CENPP: variants seen among roughly 807,000 people sequenced by gnomAD.
CENPP encodes the protein centromere protein P.
A neutral mutation model predicts 35.6 loss-of-function variants in CENPP; 24 were observed. The ratio of observed to expected loss-of-function variants is 0.67; its 90% confidence interval spans 0.49 to 0.95. CENPP has a LOEUF of 0.95. Ranked by LOEUF, CENPP falls within the 40% of genes least tolerant of loss-of-function variation. The pLI, the probability that CENPP is intolerant of heterozygous loss-of-function variation, is 0.00. For missense variants in CENPP, 332 were observed against 345.3 expected (o/e 0.96, Z 0.31); for synonymous variants, 120 against 125.5 (o/e 0.96, Z 0.29).
intron 2 of CENPP, among the ~76,000 whole-genome samples, chr9:92,337,185 G>A (rs995234740): frequency 6.6e-6 from 1 of 151,100 alleles, no homozygotes; most frequent in Non-Finnish European, 1.5e-5. Context: ...AGGCATGGTG[G>A]TGCACACCTG....
intron 5 of CENPP, among the ~76,000 whole-genome samples, chr9:92,440,016 T>C (rs1844346505): frequency 6.6e-6 from 1 of 152,200 alleles, no homozygotes; most frequent in Admixed American, 6.6e-5. Context: ...AAATGGAAAA[T>C]TCCAGAAAGA....
intron 5 of CENPP, chr9:92,501,171 G>C: frequency 4.0e-6 from 4 of 1,008,882 alleles, no homozygotes; most frequent in Non-Finnish European, 5.7e-6. Context: ...CCAGTTTGTA[G>C]TGATGATTCC....
intron 5 of CENPP, among the ~76,000 whole-genome samples, chr9:92,577,891 TG>T (rs1850322624): frequency 6.6e-6 from 1 of 151,538 alleles, no homozygotes; most frequent in African/African-American, 2.4e-5. Context: ...GCTGGTGCAC[TG>T]CACCCACTAA....
intron 2 of CENPP, among the ~76,000 whole-genome samples, chr9:92,333,544 T>C (rs1208691880): frequency 6.6e-6 from 1 of 152,230 alleles, no homozygotes; most frequent in Non-Finnish European, 1.5e-5. Context: ...GTGAGTAATA[T>C]GTGCTCATTT....
intron 5 of CENPP, among the ~76,000 whole-genome samples, chr9:92,388,388 C>T (rs1842523413): frequency 6.6e-6 from 1 of 152,034 alleles, no homozygotes; most frequent in African/African-American, 2.4e-5. Context: ...TCCTGACCTC[C>T]TGACCTCAAG....
intron 5 of CENPP, among the ~76,000 whole-genome samples, chr9:92,449,579 G>A (rs1046680264): frequency 8.6e-5 from 13 of 151,514 alleles, no homozygotes; most frequent in African/African-American, 3.1e-4. Context: ...TCAGTGATAT[G>A]GTTTGGATCT....
At chr9:92,457,679 G>A (rs536345493) in intron 5 of CENPP, among the ~76,000 whole-genome samples, 9 of 152,252 alleles carry the variant, frequency 5.9e-5, no homozygotes, top group African/African-American at 2.2e-4. Context: ...CTCATGTGTT[G>A]TACACAAAAG....
At chr9:92,466,905 C>G (rs887077793) in intron 5 of CENPP, among the ~76,000 whole-genome samples, 4 of 152,150 alleles carry the variant, frequency 2.6e-5, no homozygotes, top group Non-Finnish European at 5.9e-5. Context: ...GTGATATTAT[C>G]TTTATCTTAT....
chr9:92,507,766 C>T lies in CENPP; in HGVS notation c.565-103548C>T, dbSNP rs538442423. On this transcript the variant is annotated intron_variant, in intron 5 of 7. Coordinates refer to ENST00000375587, the MANE Select transcript of CENPP (RefSeq NM_001012267.3). Reference sequence around the variant, plus strand: ...TGCCTGGTTTTCCTCAGCTGTCCCTCCCTCCACCTTTCACACCTCTCTCTC... The same window carrying T: ...TGCCTGGTTTTCCTCAGCTGTCCCTTCCTCCACCTTTCACACCTCTCTCTC... Among the ~76,000 whole-genome samples, 3 of 152,310 alleles carry T rather than the reference C, an allele frequency of 2.0e-5. No individual in the cohort carries two copies. The South Asian group carries it at 6.2e-4, about 32-fold the overall frequency.
intron 4 of CENPP, among the ~76,000 whole-genome samples, chr9:92,367,668 A>T (rs1344128698): frequency 6.6e-6 from 1 of 152,094 alleles, no homozygotes; most frequent in Non-Finnish European, 1.5e-5. Flanking sequence ...CTCAGGCTGT[A>T]GTGCAATGGT....
At chr9:92,348,434 C>T in intron 4 of CENPP, among the ~76,000 whole-genome samples, 1 of 150,366 alleles carries the variant, frequency 6.7e-6, no homozygotes, top group Admixed American at 6.6e-5. Flanking sequence ...CTCTTTTTGC[C>T]CAGGCTGGAG....
chr9:92,368,815 G>A (rs1841945645), intron 4 of CENPP, among the ~76,000 whole-genome samples: 1 of 152,148 alleles, frequency 6.6e-6, no homozygotes, highest in African/African-American at 2.4e-5. Flanking sequence ...GAGATGGGAG[G>A]ATCGCTTGAG....
At chr9:92,543,501 G>GATTGCATT (rs1849362400) in intron 5 of CENPP, among the ~76,000 whole-genome samples, 1 of 97,318 alleles carries the variant, frequency 1.0e-5, no homozygotes, top group East Asian at 3.2e-4. Flanking sequence ...AAAAAAAAAA[G>GATTGCATT]ATTGCATTAG....
At position 92,619,172 on chromosome 9, in the gene CENPP, G is replaced by A. The variant is rs1851542274; in HGVS notation, c.*6023G>A. On this transcript the variant is annotated 3_prime_UTR_variant, in exon 8 of 8. Coordinates refer to ENST00000375587, the MANE Select transcript of CENPP (RefSeq NM_001012267.3). The stretch of plus-strand genomic sequence containing the variant: ...CACATCTCAGGGGCTGGCTTTCTTT[G>A]AGGGAATGCAATGGGCAGCTCACTG... 1 of 292,188 alleles carries A rather than the reference G, an allele frequency of 3.4e-6. No individual in the cohort carries two copies. The highest frequency in any genetic ancestry group is 6.6e-6 in the Non-Finnish European group (1 of 152,046). The allele number at this position is 292,188 out of a possible 1,614,324, so 18.1% of individuals were successfully genotyped here.
At chr9:92,364,508 T>C (rs1841839201) in intron 4 of CENPP, among the ~76,000 whole-genome samples, 2 of 152,180 alleles carry the variant, frequency 1.3e-5, no homozygotes, top group South Asian at 4.1e-4. Flanking sequence ...TGTTGTCTTA[T>C]GGCTTAACAG....
chr9:92,586,079 C>T lies in CENPP; in HGVS notation c.565-25235C>T, dbSNP rs1355717074. Among the ~76,000 whole-genome samples, 7 of 152,296 alleles carry T rather than the reference C, an allele frequency of 4.6e-5. No homozygotes were observed. In the East Asian group the frequency reaches 1.4e-3, roughly 29 times the overall value. On this transcript the variant is annotated intron_variant, in intron 5 of 7. Coordinates refer to ENST00000375587, the MANE Select transcript of CENPP (RefSeq NM_001012267.3). ...TCTCTTTTTGAGACAGCGTTTCGCT[C>T]TTGTCGCCCAGGCTGGAGCGCAATG... is the stretch of plus-strand genomic sequence containing the variant.
rs764436549 is a variant in CENPP at position 92,332,302 on chromosome 9, T to C, written c.240T>C (p.Asn80=). The change falls in exon 2 of 8, where the codon AAT becomes AAC. Residue 80 remains asparagine, a synonymous_variant. Transcript: ENST00000375587. The stretch of plus-strand genomic sequence containing the variant: ...CGCTTACTGGCATCAATATAAGAAA[T>C]CACTCCAAGCAGACAGAAGACCTAA... ...LSTLTGINIR[N]HSKQTEDLTS... is the part of the protein sequence containing the mutation. 1.4e-5 allele frequency: 22 copies of C among 1,610,724 alleles called. No individual in the cohort carries two copies. The South Asian group carries it at 2.2e-4, about 16-fold the overall frequency.
At chr9:92,588,350 C>CCATT in intron 5 of CENPP, among the ~76,000 whole-genome samples, 1 of 151,694 alleles carries the variant, frequency 6.6e-6, no homozygotes. Flanking sequence ...CAGGTTCACA[C>CCATT]CATTCTCCTG....
At chr9:92,495,457 A>G (rs950401821) in intron 5 of CENPP, 3 of 985,008 alleles carry the variant, frequency 3.0e-6, no homozygotes, top group Admixed American at 6.1e-5. Flanking sequence ...GTGGTGCAAA[A>G]TTTTTCAAAA....
Sources: gnomAD v4.1 joint callset for allele counts (sites outside exome capture counted in the v4.1 genomes callset) on GRCh38, gnomAD v4.1.1 for gene constraint, MANE v1.5 for transcripts, NCBI Gene and HGNC (gene_info 2026-07-23, HGNC 2026-07-21) for gene names.